Variants in GRM8 observed in about 807,000 individuals in gnomAD.
GRM8 encodes the protein metabotropic glutamate receptor 8.
A neutral mutation model predicts 87.2 loss-of-function variants in GRM8; 47 were observed. That is an observed-to-expected ratio of 0.54 (90% CI 0.43 to 0.69). The LOEUF (loss-of-function observed/expected upper bound fraction) is 0.69. Ranked by LOEUF, GRM8 falls within the 30% of genes least tolerant of loss-of-function variation. GRM8 has a pLI of 0.00. For synonymous variants in GRM8, 396 were observed against 404.5 expected, an observed-to-expected ratio of 0.98 and a Z score of 0.25; for missense variants, 1,019 against 1,139.2, an observed-to-expected ratio of 0.89 and a Z score of 1.52.
chr7:126,797,053 C>A (rs1341880251), intron 6 of GRM8, among the ~76,000 whole-genome samples: 1 of 149,660 alleles, frequency 6.7e-6, no homozygotes, highest in Non-Finnish European at 1.5e-5. Context: ...CAATTATAAT[C>A]CATTTACTGA....
intron 7 of GRM8, among the ~76,000 whole-genome samples, chr7:126,619,453 T>G (rs1206603890): frequency 6.6e-6 from 1 of 151,826 alleles, no homozygotes; most frequent in African/African-American, 2.4e-5. Context: ...ACATGGCACA[T>G]GTATACACAT....
At chr7:126,651,058 A>G (rs1318903888) in intron 7 of GRM8, among the ~76,000 whole-genome samples, 1 of 152,166 alleles carries the variant, frequency 6.6e-6, no homozygotes, top group East Asian at 1.9e-4. Flanking sequence ...CATCACGGAA[A>G]GGGCAGAGGT....
chr7:126,823,785 G>C (rs547346918), intron 6 of GRM8, among the ~76,000 whole-genome samples: 1 of 152,260 alleles, frequency 6.6e-6, no homozygotes, highest in East Asian at 1.9e-4. Context: ...AGGCTCACTT[G>C]AATAGTTGAG....
At chr7:126,573,678 G>C (rs910928193) in intron 8 of GRM8, among the ~76,000 whole-genome samples, 18 of 151,476 alleles carry the variant, frequency 1.2e-4, no homozygotes, top group African/African-American at 4.1e-4. Context: ...TCCGCCTCCC[G>C]GGTTCAAGTG....
At chr7:126,756,671 CT>C (rs2151560422) in intron 7 of GRM8, among the ~76,000 whole-genome samples, 1 of 152,118 alleles carries the variant, frequency 6.6e-6, no homozygotes, top group East Asian at 1.9e-4. Context: ...AAGCTATGTA[CT>C]GTATAATTCC....
chr7:126,642,377 G>A (rs937487718), intron 7 of GRM8, among the ~76,000 whole-genome samples: 11 of 152,228 alleles, frequency 7.2e-5, no homozygotes, highest in Non-Finnish European at 1.3e-4. Flanking sequence ...GGTGGTTCAC[G>A]CCTGTAATCC....
chr7:127,235,358 T>C (rs28952008), intron 2 of GRM8, among the ~76,000 whole-genome samples: 1 of 152,204 alleles, frequency 6.6e-6, no homozygotes, highest in Non-Finnish European at 1.5e-5. Context: ...TTATTGCATG[T>C]TTCGAAGAGA....
At chr7:126,866,332 G>A (rs1798585051) in intron 6 of GRM8, among the ~76,000 whole-genome samples, 1 of 150,926 alleles carries the variant, frequency 6.6e-6, no homozygotes, top group African/African-American at 2.4e-5. Context: ...TATCAGATAT[G>A]TAATTTGCAA....
At chr7:126,820,861 G>A (rs1277462812) in intron 6 of GRM8, among the ~76,000 whole-genome samples, 1 of 152,236 alleles carries the variant, frequency 6.6e-6, no homozygotes, top group Non-Finnish European at 1.5e-5. Flanking sequence ...AGAACTTTGA[G>A]AGGCCAAGGT....
chr7:127,016,226 G>A (rs1171572019), intron 3 of GRM8, among the ~76,000 whole-genome samples: 2 of 151,998 alleles, frequency 1.3e-5, no homozygotes, highest in Non-Finnish European at 2.9e-5. Flanking sequence ...GAATAGAATC[G>A]TGGTCTCTGA....
At chr7:127,103,966 A>G (rs887070153) in intron 3 of GRM8, among the ~76,000 whole-genome samples, 1 of 152,182 alleles carries the variant, frequency 6.6e-6, no homozygotes, top group Non-Finnish European at 1.5e-5. Context: ...CGCAAAGGAC[A>G]CTTTCCCAAG....
chr7:126,998,242 G>T (rs909004180), intron 3 of GRM8, among the ~76,000 whole-genome samples: 1 of 151,768 alleles, frequency 6.6e-6, no homozygotes, highest in Non-Finnish European at 1.5e-5. Context: ...CTCAAGAACT[G>T]TATATAGAAA....
chr7:126,967,259 T>C (rs961974169), intron 3 of GRM8, among the ~76,000 whole-genome samples: 1 of 152,196 alleles, frequency 6.6e-6, no homozygotes, highest in South Asian at 2.1e-4. Context: ...AGGAAAGATT[T>C]GAATACACTT....
chr7:126,472,348 T>A (rs964443532), intron 9 of GRM8, among the ~76,000 whole-genome samples: 5 of 152,158 alleles, frequency 3.3e-5, no homozygotes, highest in Non-Finnish European at 7.3e-5. Flanking sequence ...CTTATTATTT[T>A]GAAATACCTC....
intron 6 of GRM8, among the ~76,000 whole-genome samples, chr7:126,770,885 G>A (rs908539133): frequency 6.6e-6 from 1 of 151,988 alleles, no homozygotes; most frequent in African/African-American, 2.4e-5. Context: ...GGGTACATAG[G>A]GCAGGTGTGG....
At position 126,661,567 on chromosome 7, in the gene GRM8, T is replaced by C. The variant is rs569128080; in HGVS notation, c.1358-52069A>G. On this transcript the variant is annotated intron_variant, in intron 7 of 10. Coordinates refer to ENST00000339582, the MANE Select transcript of GRM8 (RefSeq NM_000845.3). ...GCCAGCATGAATAGCCCCGGCTTCA[T>C]TGGTGATCATGAGGAGCAAGAAAAC... 2.0e-3 allele frequency among the ~76,000 whole-genome samples: 301 copies of C among 152,226 alleles called. 1 individual carries two copies. The highest frequency in any genetic ancestry group is 3.0e-3 in the Non-Finnish European group (202 of 68,010).
chr7:126,497,223 C>A (rs1430693597), intron 9 of GRM8, among the ~76,000 whole-genome samples: 1 of 151,876 alleles, frequency 6.6e-6, no homozygotes, highest in East Asian at 1.9e-4. Context: ...ATGAGAAATA[C>A]TACTAATTAT....
At chr7:126,979,136 C>T (rs1421151985) in intron 3 of GRM8, among the ~76,000 whole-genome samples, 1 of 152,170 alleles carries the variant, frequency 6.6e-6, no homozygotes, top group Admixed American at 6.6e-5. Context: ...TCTGCTCCCA[C>T]ATGCAGCTCA....
chr7:126,743,204 T>C (rs928357636), intron 7 of GRM8, among the ~76,000 whole-genome samples: 3 of 152,176 alleles, frequency 2.0e-5, no homozygotes, highest in South Asian at 2.1e-4. Flanking sequence ...CTAGGACATA[T>C]GTAGTACGAT....
Sources: allele counts gnomAD v4.1 joint callset (sites outside exome capture counted in the v4.1 genomes callset), GRCh38; gene constraint gnomAD v4.1.1; transcripts MANE v1.5; gene names NCBI Gene and HGNC (gene_info 2026-07-23, HGNC 2026-07-21).